CDC25C: variants seen among roughly 807,000 people sequenced by gnomAD.
The protein encoded by CDC25C is M-phase inducer phosphatase 3.
A neutral mutation model predicts 52.5 loss-of-function variants in CDC25C; 48 were observed. The ratio of observed to expected loss-of-function variants is 0.91; its 90% CI spans 0.72 to 1.16. CDC25C has a LOEUF of 1.16. CDC25C is among the 50% of genes most tolerant of loss of function. The probability of loss-of-function intolerance (pLI) is 0.00; values close to 1 mark genes in which losing one functional copy is unlikely to be tolerated. For synonymous variants in CDC25C, 187 were observed against 206.5 expected (o/e 0.91, Z 0.81); for missense variants, 510 against 566.1 (o/e 0.90, Z 1.01).
At chr5:138,330,893 T>G in intron 2 of CDC25C, 94 bp downstream of exon 2, 1 of 875,122 alleles carries the variant, frequency 1.1e-6, no homozygotes, top group South Asian at 1.5e-5. Flanking sequence ...AAGCCTGACC[T>G]TTGAGCCGGG....
At position 138,285,382 on chromosome 5, in the gene CDC25C, G is replaced by A; in HGVS notation, c.*310C>T. The A allele has an allele frequency of 3.4e-6, 1 of 296,404 alleles. No individual in the cohort carries two copies. The highest frequency in any genetic ancestry group is 7.1e-5 in the East Asian group (1 of 14,102). The allele number at this position is 296,404 out of a possible 1,614,324, so 18.4% of individuals were successfully genotyped here. On this transcript the variant is annotated 3_prime_UTR_variant, in exon 14 of 14. Transcript: ENST00000323760. ...GCTCTTGCATAGCCCGAAGCCCAGA[G>A]AGAAAGAGTTGGCTGGCTTGTGAGA...
At chr5:138,314,003 T>TTC (rs1758672929) in intron 7 of CDC25C, among the ~76,000 whole-genome samples, 1 of 62,610 alleles carries the variant, frequency 1.6e-5, no homozygotes, top group Non-Finnish European at 3.3e-5. Flanking sequence ...TTCTTTTTTT[T>TTC]TTTTTTTTGA....
At chr5:138,296,176 T>C (rs1438890803) in intron 7 of CDC25C, among the ~76,000 whole-genome samples, 1 of 152,184 alleles carries the variant, frequency 6.6e-6, no homozygotes, top group Non-Finnish European at 1.5e-5. Context: ...TCCGTTAAGT[T>C]AGCTACTCCA....
intron 7 of CDC25C, among the ~76,000 whole-genome samples, chr5:138,294,868 C>T (rs987961416): frequency 4.6e-5 from 7 of 151,884 alleles, no homozygotes; most frequent in Non-Finnish European, 7.4e-5. Flanking sequence ...AGGCTGATCT[C>T]GAACTCCTGA....
intron 6 of CDC25C, among the ~76,000 whole-genome samples, chr5:138,322,223 G>A (rs1474995705): frequency 1.4e-4 from 21 of 151,506 alleles, no homozygotes; most frequent in Admixed American, 1.4e-3. Context: ...GGATGGTCTC[G>A]ATCTCCTGAC....
chr5:138,335,936 G>C (rs1489997758), upstream of CDC25C, among the ~76,000 whole-genome samples: 1 of 151,718 alleles, frequency 6.6e-6, no homozygotes, highest in Non-Finnish European at 1.5e-5. Context: ...GAAAAGCAAG[G>C]GCTTTTAGAC....
chr5:138,292,053 T>C lies in CDC25C; in HGVS notation c.679A>G (p.Lys227Glu). ...TTGTCCTTGAATTTTTCCACCTGCTTCAGTCTTGGCCTGTTCAAGTTCTCT... is the reference window on the plus strand; with the variant it reads ...TTGTCCTTGAATTTTTCCACCTGCTCCAGTCTTGGCCTGTTCAAGTTCTCT... ...MPENLNRPRL[K>E]QVEKFKDNTI... is the part of the protein sequence containing the mutation. Residue 227 changes from lysine to glutamate, a missense_variant, in exon 8 of 14, where the codon AAG (lysine) becomes GAG (glutamate). Lys to Glu is a moderately conservative substitution (Grantham distance 56). Coordinates refer to ENST00000323760, the MANE Select transcript of CDC25C (RefSeq NM_001790.5). 1 of 1,613,648 alleles carries C rather than the reference T, an allele frequency of 6.2e-7. No homozygotes were observed. The highest frequency in any genetic ancestry group is 8.5e-7 in the Non-Finnish European group (1 of 1,179,730).
At chr5:138,326,843 T>C (rs1759904155) in intron 4 of CDC25C, among the ~76,000 whole-genome samples, 1 of 150,636 alleles carries the variant, frequency 6.6e-6, no homozygotes, top group Non-Finnish European at 1.5e-5. Context: ...TCCCAGCTAC[T>C]TGGGAGCCTG....
chr5:138,294,111 C>T (rs530274411), intron 7 of CDC25C, among the ~76,000 whole-genome samples: 2 of 149,888 alleles, frequency 1.3e-5, no homozygotes, highest in African/African-American at 2.5e-5. Context: ...TTGCAACCTC[C>T]GCCTCCCAGG....
chr5:138,297,918 T>C (rs539472485), intron 7 of CDC25C, among the ~76,000 whole-genome samples: 14 of 152,028 alleles, frequency 9.2e-5, no homozygotes, highest in African/African-American at 3.1e-4. Context: ...AAGAAAGTTC[T>C]AGGATGAAGG....
chr5:138,334,908 G>A (rs1760610308), upstream of CDC25C, among the ~76,000 whole-genome samples: 1 of 152,214 alleles, frequency 6.6e-6, no homozygotes, highest in African/African-American at 2.4e-5. Flanking sequence ...AAGAATATTA[G>A]GGAGGTGGGA....
intron 1 of CDC25C, chr5:138,337,750 G>C: frequency 2.8e-6 from 1 of 351,950 alleles, no homozygotes; most frequent in South Asian, 2.2e-5. Flanking sequence ...ATCCGCGCTT[G>C]GACCACACTT....
intron 7 of CDC25C, 135 bp from the exon 8 acceptor site, chr5:138,292,251 T>C (rs1756796131): frequency 1.6e-6 from 1 of 611,966 alleles, no homozygotes; most frequent in South Asian, 3.3e-5. Context: ...CCTACTGAAT[T>C]AAAATCTGCA....
intron 7 of CDC25C, among the ~76,000 whole-genome samples, chr5:138,300,259 C>T (rs956155632): frequency 5.1e-4 from 77 of 152,198 alleles, no homozygotes; most frequent in African/African-American, 1.4e-3. Context: ...AATCAGCCAC[C>T]GTATCCCACC....
At chr5:138,314,743 G>A (rs568716257) in intron 7 of CDC25C, among the ~76,000 whole-genome samples, 48 of 149,772 alleles carry the variant, frequency 3.2e-4, no homozygotes, top group Admixed American at 1.0e-3. Context: ...TGGGTAGCTG[G>A]GATTACAGGT....
At chr5:138,307,604 CA>C (rs1758122010) in intron 7 of CDC25C, among the ~76,000 whole-genome samples, 1 of 149,152 alleles carries the variant, frequency 6.7e-6, no homozygotes, top group Admixed American at 6.7e-5. Flanking sequence ...AATTTTAAAA[CA>C]TTTTTTATTT....
At chr5:138,337,889 G>A in intron 1 of CDC25C, 2 of 1,169,664 alleles carry the variant, frequency 1.7e-6, no homozygotes, top group South Asian at 1.3e-5. Context: ...GACGCGGCCC[G>A]AACCGAGTGG....
Position 138,285,595 on chromosome 5 carries a change from A to T in CDC25C, c.*97T>A. 9.0e-7 allele frequency: 1 copy of T among 1,114,954 alleles called. No homozygotes were observed. The highest frequency in any genetic ancestry group is 1.3e-6 in the Non-Finnish European group (1 of 761,270). The allele number at this position is 1,114,954 out of a possible 1,614,324, so 69.1% of individuals were successfully genotyped here. A position where few individuals can be genotyped will look rare whatever the true frequency, so the allele number is the denominator to read the frequency against. On this transcript the variant is annotated 3_prime_UTR_variant, in exon 14 of 14. Transcript: ENST00000323760. ...CTGTTGGTTTGCAGAGACATCTTTTAATAATCTTGGGTTTGGCCATCCAGA... is the reference window on the plus strand; with the variant it reads ...CTGTTGGTTTGCAGAGACATCTTTTTATAATCTTGGGTTTGGCCATCCAGA...
At chr5:138,309,904 A>C (rs565503244) in intron 7 of CDC25C, among the ~76,000 whole-genome samples, 1 of 151,984 alleles carries the variant, frequency 6.6e-6, no homozygotes, top group South Asian at 2.1e-4. Flanking sequence ...ATGAGGTTTC[A>C]CCATGTTGGC....
Sources: allele counts gnomAD v4.1 joint callset (sites outside exome capture counted in the v4.1 genomes callset), GRCh38; gene constraint gnomAD v4.1.1; transcripts MANE v1.5; gene names NCBI Gene and HGNC (gene_info 2026-07-23, HGNC 2026-07-21).